The following HIVEP3 variants were observed in gnomAD, a reference collection of about 807,000 sequenced individuals.
The protein encoded by HIVEP3 is HIVEP zinc finger 3, also known as transcription factor HIVEP3.
Under a neutral mutation model 152.8 loss-of-function variants are expected in HIVEP3, and 49 were observed. The observed-to-expected ratio is 0.32, with a 90% CI of 0.26 to 0.41. The LOEUF is 0.41. HIVEP3 is among the 10% of genes least tolerant of loss of function. The probability of loss-of-function intolerance (pLI) is 1.00; values close to 1 mark genes in which losing one functional copy is unlikely to be tolerated. For missense variants in HIVEP3, 2,790 were observed against 3,103.3 expected, an observed-to-expected ratio of 0.90 and a Z score of 2.40; for synonymous variants, 1,269 against 1,289.0, an observed-to-expected ratio of 0.98 and a Z score of 0.33.
chr1:41,551,346 T>TG (rs878899684), intron 5 of HIVEP3, among the ~76,000 whole-genome samples: 2 of 151,610 alleles, frequency 1.3e-5, no homozygotes, highest in African/African-American at 4.9e-5. Flanking sequence ...TCTTTTTTTT[T>TG]GTTGTGTCTC....
chr1:41,792,398 A>T (rs1649752457), intron 1 of HIVEP3, among the ~76,000 whole-genome samples: 1 of 151,772 alleles, frequency 6.6e-6, no homozygotes, highest in Non-Finnish European at 1.5e-5. Context: ...GTGCAACTCA[A>T]CCTCCCTTCA....
At chr1:41,735,459 C>T (rs932421978) in intron 1 of HIVEP3, among the ~76,000 whole-genome samples, 2 of 152,176 alleles carry the variant, frequency 1.3e-5, no homozygotes, top group Non-Finnish European at 2.9e-5. Context: ...AAATGAGCCA[C>T]AACAGTGTGG....
chr1:41,680,724 C>A (rs12563791), intron 2 of HIVEP3, among the ~76,000 whole-genome samples: 5,242 of 152,276 alleles, frequency 0.034, 129 homozygotes, highest in African/African-American at 0.068. Flanking sequence ...GCAGCTCTGG[C>A]GATCTGCCGC....
At chr1:41,797,271 A>G (rs1650038378) in intron 1 of HIVEP3, among the ~76,000 whole-genome samples, 1 of 152,170 alleles carries the variant, frequency 6.6e-6, no homozygotes, top group African/African-American at 2.4e-5. Context: ...GGGCCCAGCT[A>G]TGGTTGCTCC....
In HIVEP3 at chr1:41,752,308, C is replaced by T. The variant is rs189419485; in HGVS notation, c.-800-51313G>A. The stretch of plus-strand genomic sequence containing the variant: ...ACGGAGGCTCCGCAATAGCTCCTCA[C>T]CCTTCTGGGGAGCCCTCACTGAATG... On this transcript the variant is annotated intron_variant, in intron 1 of 8. Coordinates refer to ENST00000372583, the MANE Select transcript of HIVEP3 (RefSeq NM_024503.5). Among the ~76,000 whole-genome samples, 19 of 152,366 alleles carry T rather than the reference C, an allele frequency of 1.2e-4. No individual in the cohort carries two copies. The East Asian group carries it at 3.7e-3, about 29-fold the overall frequency.
At chr1:41,931,792 C>G (rs1236309778) in intron 1 of HIVEP3, among the ~76,000 whole-genome samples, 1 of 152,016 alleles carries the variant, frequency 6.6e-6, no homozygotes, top group Non-Finnish European at 1.5e-5. Context: ...TGAAGAAATA[C>G]AATTGACTTT....
chr1:41,657,806 C>T (rs1186267334), intron 2 of HIVEP3, among the ~76,000 whole-genome samples: 1 of 152,214 alleles, frequency 6.6e-6, no homozygotes, highest in East Asian at 1.9e-4. Context: ...ATCGCTCATG[C>T]TCCTACCATG....
intron 1 of HIVEP3, among the ~76,000 whole-genome samples, chr1:41,926,044 G>C (rs564003691): frequency 6.6e-6 from 1 of 152,258 alleles, no homozygotes; most frequent in Admixed American, 6.5e-5. Flanking sequence ...TAGCCATGTG[G>C]ATGAGTGGTG....
intron 3 of HIVEP3, among the ~76,000 whole-genome samples, chr1:41,588,703 G>A (rs930387162): frequency 6.6e-6 from 1 of 152,170 alleles, no homozygotes; most frequent in Non-Finnish European, 1.5e-5. Context: ...AAGGCCACAG[G>A]AGCACCGTTG....
chr1:41,944,510 T>A (rs1057247226), intron 1 of HIVEP3, among the ~76,000 whole-genome samples: 7 of 152,168 alleles, frequency 4.6e-5, no homozygotes, highest in Admixed American at 1.3e-4. Context: ...TTTATGGGAA[T>A]GCATCTTGAC....
intron 1 of HIVEP3, among the ~76,000 whole-genome samples, chr1:41,759,615 C>A (rs1312878401): frequency 6.6e-6 from 1 of 152,162 alleles, no homozygotes; most frequent in African/African-American, 2.4e-5. Flanking sequence ...CAGGAACCTC[C>A]AAAAGGTTTT....
chr1:41,901,830 C>A (rs1212424951), intron 1 of HIVEP3, among the ~76,000 whole-genome samples: 3 of 152,206 alleles, frequency 2.0e-5, no homozygotes, highest in Non-Finnish European at 2.9e-5. Context: ...ATTTCCTTCA[C>A]AGCCATTATC....
intron 1 of HIVEP3, among the ~76,000 whole-genome samples, chr1:41,761,870 G>A (rs969879187): frequency 6.6e-6 from 1 of 152,230 alleles, no homozygotes; most frequent in Admixed American, 6.5e-5. Flanking sequence ...GCAGACAGGG[G>A]CAGATCCCTA....
intron 5 of HIVEP3, among the ~76,000 whole-genome samples, chr1:41,552,680 G>A (rs534946416): frequency 8.6e-5 from 13 of 151,580 alleles, no homozygotes; most frequent in Non-Finnish European, 1.5e-4. Flanking sequence ...ATAAACATAC[G>A]TGTGCATGTG....
intron 1 of HIVEP3, among the ~76,000 whole-genome samples, chr1:41,828,555 C>T (rs1318679368): frequency 2.0e-5 from 3 of 152,186 alleles, no homozygotes; most frequent in Admixed American, 1.3e-4. Context: ...TACTTTAAGC[C>T]AGTGGTTCTC....
chr1:41,588,603 C>T (rs1185276055), intron 3 of HIVEP3, among the ~76,000 whole-genome samples: 1 of 151,980 alleles, frequency 6.6e-6, no homozygotes, highest in Non-Finnish European at 1.5e-5. Flanking sequence ...ACTGCCTGCC[C>T]AGGGTCAGTG....
intron 6 of HIVEP3, 152 bp downstream of exon 6, chr1:41,524,583 C>G: frequency 1.4e-6 from 1 of 717,590 alleles, no homozygotes; most frequent in South Asian, 1.7e-5. Flanking sequence ...AGCTGCTCTG[C>G]CACTGGGCAC....
intron 1 of HIVEP3, among the ~76,000 whole-genome samples, chr1:41,808,809 G>A (rs545969073): frequency 1.3e-5 from 2 of 152,232 alleles, no homozygotes; most frequent in Admixed American, 1.3e-4. Flanking sequence ...CCCATATGGA[G>A]CAAGGGATGG....
intron 5 of HIVEP3, among the ~76,000 whole-genome samples, chr1:41,552,437 A>G (rs1346999263): frequency 1.4e-5 from 2 of 144,504 alleles, no homozygotes; most frequent in Non-Finnish European, 3.0e-5. Flanking sequence ...CTCATTGTTC[A>G]ATTCCCACCT....
Sources: allele counts gnomAD v4.1 joint callset (sites outside exome capture counted in the v4.1 genomes callset), GRCh38; gene constraint gnomAD v4.1.1; transcripts MANE v1.5; gene names NCBI Gene and HGNC (gene_info 2026-07-23, HGNC 2026-07-21).